Variants in GNA11 observed in about 807,000 individuals in gnomAD.
The protein encoded by GNA11 is G protein subunit alpha 11.
A neutral mutation model predicts 38.2 loss-of-function variants in GNA11; 8 were observed. That is an observed-to-expected ratio of 0.21 (90% CI 0.12 to 0.38). The LOEUF is 0.38. Among genes scored for constraint, GNA11 ranks in the 10% least tolerant of loss-of-function variants. GNA11 has a pLI of 1.00. For synonymous variants in GNA11, 211 were observed against 221.4 expected, an observed-to-expected ratio of 0.95 and a Z score of 0.42; for missense variants, 268 against 516.3, an observed-to-expected ratio of 0.52 and a Z score of 4.66.
At chr19:3,118,472 C>T (rs1913981051) in intron 4 of GNA11, 1 of 168,886 alleles carries the variant, frequency 5.9e-6, no homozygotes, top group Non-Finnish European at 1.3e-5. Context: ...TGGAGGGTCC[C>T]TGCAGGGAGC....
Position 3,094,794 on chromosome 19 carries a change from G to A in GNA11, c.136+7G>A. 3 of 1,568,888 alleles carry A rather than the reference G, an allele frequency of 1.9e-6. No individual in the cohort carries two copies. The highest frequency in any genetic ancestry group is 2.4e-5 in the East Asian group (1 of 40,916). ...CTCAAGCTGCTGCTGCTCGGTGAGT[G>A]CGGCCCCCGGGCCTGCCGGCTGCGG... On this transcript the variant is annotated splice_region_variant and intron_variant, in intron 1 of 6. Coordinates refer to ENST00000078429, the MANE Select transcript of GNA11 (RefSeq NM_002067.5). The surrounding 1 kb of genome is among the most constrained non-coding windows in gnomAD (Gnocchi z 6.0).
At chr19:3,114,823 C>T (rs1038189654) in intron 3 of GNA11, 121 bp from the exon 4 acceptor site, 27 of 912,788 alleles carry the variant, frequency 3.0e-5, no homozygotes, top group South Asian at 2.0e-4. Context: ...CCGTAGGTGG[C>T]GCAGTGCGCG....
intron 1 of GNA11, among the ~76,000 whole-genome samples, chr19:3,096,514 C>T (rs923528147): frequency 2.0e-5 from 3 of 152,202 alleles, no homozygotes; most frequent in Non-Finnish European, 2.9e-5. Flanking sequence ...TGCATGCACC[C>T]GGTCTTCTGT....
chr19:3,094,611 G>C lies in GNA11; in HGVS notation c.-41G>C. ...CCAGGGCCGGGCCGGGGGCCGGGGGGCGGCGGCGGGCAGGCGGCCGCGTCG... is the reference window on the plus strand; with the variant it reads ...CCAGGGCCGGGCCGGGGGCCGGGGGCCGGCGGCGGGCAGGCGGCCGCGTCG... On this transcript the variant is annotated 5_prime_UTR_variant, in exon 1 of 7. Coordinates refer to ENST00000078429, the MANE Select transcript of GNA11 (RefSeq NM_002067.5). The surrounding 1 kb of genome is among the most constrained non-coding windows in gnomAD (Gnocchi z 6.0). 2 of 1,042,562 alleles carry C rather than the reference G, an allele frequency of 1.9e-6. No individual in the cohort carries two copies. The highest frequency in any genetic ancestry group is 8.5e-4 in the Middle Eastern group (2 of 2,340). 64.6% of individuals were successfully genotyped at this position (1,042,562 alleles called of 1,614,324 possible). A position where few individuals can be genotyped will look rare whatever the true frequency, so the allele number is the denominator to read the frequency against.
chr19:3,096,565 C>G (rs1201475110), intron 1 of GNA11, among the ~76,000 whole-genome samples: 1 of 152,188 alleles, frequency 6.6e-6, no homozygotes, highest in Non-Finnish European at 1.5e-5. Flanking sequence ...GGTTCAAGGA[C>G]GAAGGTCAGG....
At chr19:3,114,527 C>T (rs913663724) in intron 3 of GNA11, among the ~76,000 whole-genome samples, 4 of 152,112 alleles carry the variant, frequency 2.6e-5, no homozygotes, top group Non-Finnish European at 5.9e-5. Flanking sequence ...TCTGCAGCTG[C>T]GACTCTCCTA....
Position 3,121,728 on chromosome 19 carries a change from G to T in GNA11, c.*549G>T. The T allele has an allele frequency of 4.3e-6, 1 of 232,956 alleles. No individual in the cohort carries two copies. Among genetic ancestry groups the T allele is most frequent in the Non-Finnish European group, 8.5e-6 (1 of 117,862 alleles). 14.4% of individuals were successfully genotyped at this position (232,956 alleles called of 1,614,324 possible). On this transcript the variant is annotated 3_prime_UTR_variant, in exon 7 of 7. Coordinates refer to ENST00000078429, the MANE Select transcript of GNA11 (RefSeq NM_002067.5). Reference sequence around the variant, plus strand: ...TTTTCCCCTTTTTTAAGTTATTGACGCCCAGCGCGCCTCGCCTCTTCACCC... The same window carrying T: ...TTTTCCCCTTTTTTAAGTTATTGACTCCCAGCGCGCCTCGCCTCTTCACCC...
chr19:3,123,243 G>T lies in GNA11; in HGVS notation c.*2064G>T, dbSNP rs898218940. 4 of 233,254 alleles carry T rather than the reference G, an allele frequency of 1.7e-5. No individual in the cohort carries two copies. The highest frequency in any genetic ancestry group is 3.4e-5 in the Non-Finnish European group (4 of 118,126). 14.4% of individuals were successfully genotyped at this position (233,254 alleles called of 1,614,324 possible). A position where few individuals can be genotyped will look rare whatever the true frequency, so the allele number is the denominator to read the frequency against. On this transcript the variant is annotated 3_prime_UTR_variant, in exon 7 of 7. Transcript: ENST00000078429. ...AGCACGCAGGCCGGGGCGCTGCGGG[G>T]CTAAGTATTAGGCCTTCCCAGGGAG...
At chr19:3,111,755 A>C (rs1350774179) in intron 2 of GNA11, among the ~76,000 whole-genome samples, 1 of 152,204 alleles carries the variant, frequency 6.6e-6, no homozygotes, top group African/African-American at 2.4e-5. Flanking sequence ...AGTTTGCCCC[A>C]GTGGCCGCCC....
intron 1 of GNA11, among the ~76,000 whole-genome samples, chr19:3,105,060 G>A (rs550692015): frequency 2.0e-5 from 3 of 151,530 alleles, no homozygotes; most frequent in South Asian, 4.2e-4. Context: ...CAGCGGGACC[G>A]GTGGTGGGTG....
At position 3,112,003 on chromosome 19, in the gene GNA11, C is replaced by G. The variant is rs141163378; in HGVS notation, c.322-1327C>G. 3.5e-4 allele frequency among the ~76,000 whole-genome samples: 54 copies of G among 152,360 alleles called. No homozygotes were observed. In the East Asian group the frequency reaches 8.1e-3, roughly 23 times the overall value. ...TAGATCTCCATCAGCTTCTGAAACA[C>G]GCATCTGCAAACTGCAGACTGATTT... On this transcript the variant is annotated intron_variant, in intron 2 of 6. Coordinates refer to ENST00000078429, the MANE Select transcript of GNA11 (RefSeq NM_002067.5).
chr19:3,114,904 C>A (rs747280155), intron 3 of GNA11, 40 bp from the exon 4 acceptor site: 1 of 1,563,516 alleles, frequency 6.4e-7, no homozygotes, highest in African/African-American at 1.4e-5. Context: ...TGCCCCCCCA[C>A]CCCCGGCAGC....
chr19:3,097,817 G>C (rs987288607), intron 1 of GNA11, among the ~76,000 whole-genome samples: 1 of 152,160 alleles, frequency 6.6e-6, no homozygotes, highest in African/African-American at 2.4e-5. Context: ...ACATTGGTCC[G>C]GGTTGGTCTC....
In GNA11 at chr19:3,108,305, A is replaced by G. The variant is rs1012632694; in HGVS notation, c.137-1844A>G. ...GCAAAGATATCTACCATGGGCAGCA[A>G]GGAAGGTTCCAGAAAGTACCGGAGG... On this transcript the variant is annotated intron_variant, in intron 1 of 6. Transcript: ENST00000078429. This position sits in a 1 kb window ranked among gnomAD's most constrained non-coding sequence, Gnocchi z 4.5. 3.3e-5 allele frequency among the ~76,000 whole-genome samples: 5 copies of G among 152,326 alleles called. No individual in the cohort carries two copies. The highest frequency in any genetic ancestry group is 7.3e-5 in the Non-Finnish European group (5 of 68,028).
chr19:3,111,021 T>TGGGCTCAAGCAGTCCTCCC (rs1006657419), intron 2 of GNA11, among the ~76,000 whole-genome samples: 1 of 152,148 alleles, frequency 6.6e-6, no homozygotes, highest in Non-Finnish European at 1.5e-5. Flanking sequence ...CTTGAACTCC[T>TGGGCTCAAGCAGTCCTCCC]GGGCTCAAGC....
At position 3,114,954 on chromosome 19, in the gene GNA11, G is replaced by A. The variant is rs2145320689; in HGVS notation, c.487G>A (p.Asp163Asn). The stretch of plus-strand genomic sequence containing the variant: ...ACCGCTGTGTTGCAGCTACCTGACC[G>A]ACGTTGACCGCATCGCCACCTTGGG... ...LSDSAKYYLT[D>N]VDRIATLGYL... The change falls in exon 4 of 7, where the codon GAC becomes AAC. Residue 163 changes from aspartate to asparagine, a missense_variant. Physicochemically the swap from Asp to Asn is conservative, Grantham distance 23. This residue lies in a region of GNA11 where 151 missense variants were observed against 254.0 expected (regional missense o/e 0.59). Coordinates refer to ENST00000078429, the MANE Select transcript of GNA11 (RefSeq NM_002067.5). The A allele has an allele frequency of 3.1e-6, 5 of 1,611,616 alleles. No homozygotes were observed. Among genetic ancestry groups the A allele is most frequent in the East Asian group, 2.2e-5 (1 of 44,820 alleles).
intron 1 of GNA11, among the ~76,000 whole-genome samples, chr19:3,098,811 C>T (rs1913433744): frequency 2.0e-5 from 3 of 152,136 alleles, no homozygotes; most frequent in Admixed American, 6.5e-5. Flanking sequence ...TGGATGGCCT[C>T]GTCCAACCTT....
At chr19:3,118,798 G>A in intron 4 of GNA11, 126 bp from the exon 5 acceptor site, 1 of 870,572 alleles carries the variant, frequency 1.1e-6, no homozygotes, top group South Asian at 1.5e-5. Flanking sequence ...TAAGAGTGGG[G>A]GCTCTTCCTG....
chr19:3,103,251 T>C (rs985469272), intron 1 of GNA11, among the ~76,000 whole-genome samples: 20 of 152,168 alleles, frequency 1.3e-4, no homozygotes, highest in Admixed American at 2.6e-4. Flanking sequence ...TCTCACTCTG[T>C]TGCCCAGGCT....
Sources: gnomAD v4.1 joint callset for allele counts (sites outside exome capture counted in the v4.1 genomes callset) on GRCh38, gnomAD v4.1.1 for gene constraint, gnomAD v4.1.1 regional missense constraint, Gnocchi (gnomAD v3.1) non-coding constraint, MANE v1.5 for transcripts, NCBI Gene and HGNC (gene_info 2026-07-23, HGNC 2026-07-21) for gene names.